ENOX1: variants seen among roughly 807,000 people sequenced by gnomAD.
The protein encoded by ENOX1 is candidate growth-related and time keeping constitutive hydroquinone (NADH) oxidase.
A neutral mutation model predicts 82.5 loss-of-function variants in ENOX1; 42 were observed. The observed-to-expected ratio is 0.51, with a 90% CI of 0.40 to 0.66. ENOX1 has a LOEUF of 0.66. ENOX1 is among the 30% of genes least tolerant of loss of function. ENOX1 has a pLI of 0.00. For missense variants in ENOX1, 608 were observed against 811.6 expected (o/e 0.75, Z 3.05); for synonymous variants, 271 against 282.2 (o/e 0.96, Z 0.40).
At chr13:43,746,251 TA>T (rs1229009576) in intron 1 of ENOX1, among the ~76,000 whole-genome samples, 1 of 152,160 alleles carries the variant, frequency 6.6e-6, no homozygotes, top group Non-Finnish European at 1.5e-5. Context: ...GGGAGATTTA[TA>T]TTTTTTATAT....
chr13:43,767,829 G>T (rs957516637), intron 1 of ENOX1, among the ~76,000 whole-genome samples: 8 of 152,204 alleles, frequency 5.3e-5, no homozygotes, highest in African/African-American at 1.9e-4. Flanking sequence ...GAGCCTGAGG[G>T]GAGCAATACA....
intron 2 of ENOX1, among the ~76,000 whole-genome samples, chr13:43,561,261 CA>C (rs1354308087): frequency 6.6e-6 from 1 of 152,100 alleles, no homozygotes; most frequent in Non-Finnish European, 1.5e-5. Flanking sequence ...GTTTGGCAGG[CA>C]AAGAATGCCA....
intron 1 of ENOX1, among the ~76,000 whole-genome samples, chr13:43,764,871 A>C (rs567774579): frequency 4.6e-5 from 7 of 152,344 alleles, no homozygotes; most frequent in African/African-American, 1.4e-4. Flanking sequence ...TAATTACTAA[A>C]GCTTTTACAT....
intron 2 of ENOX1, among the ~76,000 whole-genome samples, chr13:43,510,176 A>G (rs1298230338): frequency 6.6e-6 from 1 of 152,086 alleles, no homozygotes; most frequent in Non-Finnish European, 1.5e-5. Context: ...TCAGAGCTCA[A>G]AAAGAGCCTC....
chr13:43,746,792 A>G lies in ENOX1; in HGVS notation c.-285+39860T>C, dbSNP rs151280705. On this transcript the variant is annotated intron_variant, in intron 1 of 16. Coordinates refer to ENST00000690772, the MANE Select transcript of ENOX1 (RefSeq NM_001347969.2). Reference sequence around the variant, plus strand: ...CAGAATTTATGAGGGGACTCATAACATATGGCCGATTTACCAAAAGCTAGT... The same window carrying G: ...CAGAATTTATGAGGGGACTCATAACGTATGGCCGATTTACCAAAAGCTAGT... Among the ~76,000 whole-genome samples, 43 of 152,322 alleles carry G rather than the reference A, an allele frequency of 2.8e-4. No individual in the cohort carries two copies. In the East Asian group the frequency reaches 7.5e-3, roughly 27 times the overall value.
chr13:43,338,381 T>A (rs1240354332), intron 9 of ENOX1, among the ~76,000 whole-genome samples: 1 of 152,174 alleles, frequency 6.6e-6, no homozygotes. Context: ...TGGGGAAGTT[T>A]CTGGCAAATG....
chr13:43,553,679 T>G (rs546289618), intron 2 of ENOX1, among the ~76,000 whole-genome samples: 1 of 145,172 alleles, frequency 6.9e-6, no homozygotes, highest in Admixed American at 7.0e-5. Flanking sequence ...AAGGCTGATA[T>G]GTTGGAGAAC....
chr13:43,777,218 A>C (rs1303513090), intron 1 of ENOX1, among the ~76,000 whole-genome samples: 2 of 152,174 alleles, frequency 1.3e-5, no homozygotes, highest in African/African-American at 2.4e-5. Context: ...TCCACATTGG[A>C]AGGGGTTGGG....
At chr13:43,571,945 G>A (rs1425365831) in intron 2 of ENOX1, among the ~76,000 whole-genome samples, 2 of 152,000 alleles carry the variant, frequency 1.3e-5, no homozygotes. Context: ...GTAAAAGGAA[G>A]GGAGGATTCA....
intron 2 of ENOX1, among the ~76,000 whole-genome samples, chr13:43,564,560 C>T (rs1273857529): frequency 6.6e-6 from 1 of 152,074 alleles, no homozygotes; most frequent in African/African-American, 2.4e-5. Context: ...ACACTTACCT[C>T]AGGGACAATG....
chr13:43,344,071 C>T (rs1400603249), intron 9 of ENOX1, among the ~76,000 whole-genome samples: 1 of 152,220 alleles, frequency 6.6e-6, no homozygotes, highest in Non-Finnish European at 1.5e-5. Context: ...ACAGCCACAG[C>T]TCCCCCAGAT....
intron 1 of ENOX1, among the ~76,000 whole-genome samples, chr13:43,771,356 C>T (rs1168586010): frequency 6.6e-6 from 1 of 152,020 alleles, no homozygotes; most frequent in East Asian, 1.9e-4. Flanking sequence ...GGGATAAACC[C>T]CCGAGGACCT....
chr13:43,483,844 A>T (rs2153657366), intron 3 of ENOX1, among the ~76,000 whole-genome samples, 165 bp downstream of exon 3: 1 of 152,320 alleles, frequency 6.6e-6, no homozygotes, highest in East Asian at 1.9e-4. Context: ...ATGACAAGAT[A>T]TTTATTTTCA....
intron 8 of ENOX1, among the ~76,000 whole-genome samples, chr13:43,353,048 G>A (rs567823101): frequency 3.9e-5 from 6 of 152,320 alleles, no homozygotes; most frequent in African/African-American, 1.2e-4. Flanking sequence ...CTAGGACAGC[G>A]CCAGTCATAT....
At chr13:43,265,064 C>A (rs35337294) in intron 14 of ENOX1, among the ~76,000 whole-genome samples, 1 of 152,092 alleles carries the variant, frequency 6.6e-6, no homozygotes, top group Non-Finnish European at 1.5e-5. Context: ...ACATGCAATG[C>A]GCAACTGATT....
At chr13:43,490,250 G>A (rs768862293) in intron 2 of ENOX1, among the ~76,000 whole-genome samples, 21 of 152,054 alleles carry the variant, frequency 1.4e-4, no homozygotes, top group African/African-American at 4.1e-4. Context: ...TCCCATCATC[G>A]TATTAATATT....
At chr13:43,765,041 C>T (rs1042744955) in intron 1 of ENOX1, among the ~76,000 whole-genome samples, 1 of 152,206 alleles carries the variant, frequency 6.6e-6, no homozygotes, top group Non-Finnish European at 1.5e-5. Context: ...CTCACGTCAC[C>T]TTAACTGATC....
intron 15 of ENOX1, among the ~76,000 whole-genome samples, chr13:43,228,726 G>T (rs552025555): frequency 6.6e-6 from 1 of 152,226 alleles, no homozygotes; most frequent in South Asian, 2.1e-4. Context: ...GCCAGGAGGT[G>T]GCAAGGTGCT....
At chr13:43,512,836 C>A (rs935118186) in intron 2 of ENOX1, among the ~76,000 whole-genome samples, 4 of 152,056 alleles carry the variant, frequency 2.6e-5, no homozygotes, top group African/African-American at 9.7e-5. Flanking sequence ...AGGTCAGCAT[C>A]TGTGCTTTTT....
Sources: allele counts gnomAD v4.1 joint callset (sites outside exome capture counted in the v4.1 genomes callset), GRCh38; gene constraint gnomAD v4.1.1; transcripts MANE v1.5; gene names NCBI Gene and HGNC (gene_info 2026-07-23, HGNC 2026-07-21).